Variants in SPMIP11 observed in about 807,000 individuals in gnomAD.
SPMIP11 encodes the protein sperm microtubule inner protein 11, also known as long intergenic non-protein coding RNA 935.
At chr12:48,761,864 A>G in the SPMIP11 span, among the ~76,000 whole-genome samples, 1 of 149,264 alleles carries the variant, frequency 6.7e-6, no homozygotes, top group South Asian at 2.1e-4. Flanking sequence ...CTGAGACTAC[A>G]GGCATGTGCC....
At chr12:48,765,408 T>C in the SPMIP11 span, among the ~76,000 whole-genome samples, 1 of 152,158 alleles carries the variant, frequency 6.6e-6, no homozygotes, top group East Asian at 1.9e-4. Flanking sequence ...TTTTTGTATT[T>C]TTAGTAGAGA....
chr12:48,769,433 A>T, the SPMIP11 span, among the ~76,000 whole-genome samples: 1 of 150,770 alleles, frequency 6.6e-6, no homozygotes, highest in Non-Finnish European at 1.5e-5. Context: ...AAAAAAAAAA[A>T]ACCCAAAAAA....
chr12:48,763,115 G>A, the SPMIP11 span, among the ~76,000 whole-genome samples: 4 of 152,128 alleles, frequency 2.6e-5, no homozygotes, highest in African/African-American at 7.2e-5. Flanking sequence ...ATCAAAACAG[G>A]CACATGTGGA....
At chr12:48,744,967 A>T in the SPMIP11 span, among the ~76,000 whole-genome samples, 3 of 152,180 alleles carry the variant, frequency 2.0e-5, no homozygotes, top group African/African-American at 7.2e-5. Context: ...CTGGCAGATC[A>T]AATTTAAAAA....
chr12:48,740,920 A>G, the SPMIP11 span, among the ~76,000 whole-genome samples: 15 of 152,034 alleles, frequency 9.9e-5, no homozygotes, highest in Middle Eastern at 3.4e-3. Flanking sequence ...AGGTCTCGCT[A>G]TGTTGCCCAG....
At chr12:48,728,198 ACTAT>A in the SPMIP11 span, among the ~76,000 whole-genome samples, 2 of 152,358 alleles carry the variant, frequency 1.3e-5, no homozygotes, top group African/African-American at 4.8e-5. Flanking sequence ...CTATAAAGTG[ACTAT>A]CTGATGAGAA....
At chr12:48,752,232 T>C in the SPMIP11 span, among the ~76,000 whole-genome samples, 1 of 152,302 alleles carries the variant, frequency 6.6e-6, no homozygotes, top group African/African-American at 2.4e-5. Context: ...CATATACCTT[T>C]CCTGTGGCTA....
the SPMIP11 span, among the ~76,000 whole-genome samples, chr12:48,751,022 A>C: frequency 6.6e-6 from 1 of 152,206 alleles, no homozygotes; most frequent in African/African-American, 2.4e-5. Flanking sequence ...TTTCATTCTT[A>C]ACACTGTTAC....
the SPMIP11 span, among the ~76,000 whole-genome samples, chr12:48,733,072 CTTTTTTT>C: frequency 9.0e-6 from 1 of 110,838 alleles, no homozygotes. Flanking sequence ...ACAAGTTAAT[CTTTTTTT>C]TTTTTTTTTT....
chr12:48,750,220 G>A, the SPMIP11 span, among the ~76,000 whole-genome samples: 7 of 152,166 alleles, frequency 4.6e-5, no homozygotes, highest in East Asian at 9.7e-4. Context: ...GGGCATAGTG[G>A]CACGCACCTT....
At chr12:48,730,077 A>G in the SPMIP11 span, among the ~76,000 whole-genome samples, 1 of 152,158 alleles carries the variant, frequency 6.6e-6, no homozygotes, top group Non-Finnish European at 1.5e-5. Context: ...CCTACTAGAT[A>G]GAATTCTCTC....
chr12:48,760,571 G>A, the SPMIP11 span, among the ~76,000 whole-genome samples: 8 of 152,234 alleles, frequency 5.3e-5, no homozygotes, highest in South Asian at 8.3e-4. Flanking sequence ...CTATCGCCCA[G>A]GCTGTAGTGC....
the SPMIP11 span, chr12:48,759,281 A>C: frequency 1.4e-6 from 1 of 703,000 alleles, no homozygotes; most frequent in South Asian, 1.5e-5. Context: ...GTGCACCAGA[A>C]TAGCCACACA....
chr12:48,770,948 C>T, the SPMIP11 span: 24 of 1,613,992 alleles, frequency 1.5e-5, no homozygotes, highest in South Asian at 1.4e-4. Flanking sequence ...TTCCAGCTGC[C>T]GGAACCGCTC....
At chr12:48,731,660 A>T in the SPMIP11 span, among the ~76,000 whole-genome samples, 2 of 152,124 alleles carry the variant, frequency 1.3e-5, no homozygotes, top group Non-Finnish European at 2.9e-5. Context: ...ACTTCCTGAG[A>T]GTTAACAACA....
chr12:48,770,063 ATTTTTT>A, the SPMIP11 span, among the ~76,000 whole-genome samples: 1 of 112,910 alleles, frequency 8.9e-6, no homozygotes, highest in Non-Finnish European at 1.8e-5. Context: ...GCCCGGCCTA[ATTTTTT>A]TTTTTTTTTT....
At chr12:48,764,709 T>C in the SPMIP11 span, 1 of 590,854 alleles carries the variant, frequency 1.7e-6, no homozygotes. Flanking sequence ...CAGGGTGTGG[T>C]GACCACACTC....
At chr12:48,771,423 C>T in the SPMIP11 span, 1 of 552,654 alleles carries the variant, frequency 1.8e-6, no homozygotes, top group East Asian at 3.2e-5. This position sits in a 1 kb window ranked among gnomAD's most constrained non-coding sequence, Gnocchi z 4.3. Flanking sequence ...CAGACTATTG[C>T]CTTCTTCTTC....
chr12:48,768,762 C>T, the SPMIP11 span: 1 of 1,603,558 alleles, frequency 6.2e-7, no homozygotes, highest in African/African-American at 1.3e-5. Context: ...ATCCTTCCTG[C>T]TGCATTTGCA....
Sources: allele counts gnomAD v4.1 joint callset (sites outside exome capture counted in the v4.1 genomes callset), GRCh38; gene constraint gnomAD v4.1.1; non-coding constraint Gnocchi (gnomAD v3.1); transcripts MANE v1.5; gene names NCBI Gene and HGNC (gene_info 2026-07-23, HGNC 2026-07-21).